EPB41L5: variants seen among roughly 807,000 people sequenced by gnomAD.
EPB41L5 encodes erythrocyte membrane protein band 4.1 like 5, also known as band 4.1-like protein 5.
EPB41L5 carries 55 observed loss-of-function variants against 106.6 expected under a neutral mutation model. The ratio of observed to expected loss-of-function variants is 0.52; its 90% CI spans 0.42 to 0.65. The LOEUF (loss-of-function observed/expected upper bound fraction) is 0.65, where lower values mean the gene tolerates loss of function less well. EPB41L5 is among the 30% of genes least tolerant of loss of function. The pLI is 0.00. For missense variants in EPB41L5, 871 were observed against 882.1 expected (o/e 0.99, Z 0.16); for synonymous variants, 297 against 306.7 (o/e 0.97, Z 0.33).
At chr2:120,028,176 T>TC (rs1354857834) in intron 2 of EPB41L5, among the ~76,000 whole-genome samples, 1 of 152,142 alleles carries the variant, frequency 6.6e-6, no homozygotes, top group East Asian at 1.9e-4. Context: ...AAGTTATTTT[T>TC]TTTTTTAAAA....
chr2:120,084,873 A>G (rs1035527873), intron 10 of EPB41L5, among the ~76,000 whole-genome samples: 3 of 151,992 alleles, frequency 2.0e-5, no homozygotes, highest in Admixed American at 2.0e-4. Flanking sequence ...CATTTCATTC[A>G]TTTGATCTTC....
At chr2:120,172,118 A>G (rs1370319231) in intron 24 of EPB41L5, among the ~76,000 whole-genome samples, 1 of 152,194 alleles carries the variant, frequency 6.6e-6, no homozygotes, top group African/African-American at 2.4e-5. Context: ...CAAAATGTGT[A>G]GAATAGAAAG....
chr2:120,075,585 ATAAGTT>A, intron 6 of EPB41L5, 65 bp downstream of exon 6: 1 of 1,427,406 alleles, frequency 7.0e-7, no homozygotes, highest in African/African-American at 1.4e-5. Context: ...TATTTTGAAA[ATAAGTT>A]TATAGTTGTA....
intron 2 of EPB41L5, among the ~76,000 whole-genome samples, chr2:120,033,817 G>C (rs950287838): frequency 6.6e-6 from 1 of 152,110 alleles, no homozygotes; most frequent in South Asian, 2.1e-4. Flanking sequence ...TTGTTGCCCA[G>C]GTGTGATGGC....
intron 20 of EPB41L5, among the ~76,000 whole-genome samples, chr2:120,159,220 C>A (rs967526511): frequency 6.7e-6 from 1 of 149,112 alleles, no homozygotes; most frequent in Non-Finnish European, 1.5e-5. Context: ...GTCAGGAGAT[C>A]GAGATCATCC....
At chr2:120,058,525 A>T (rs1203517181) in intron 3 of EPB41L5, among the ~76,000 whole-genome samples, 2 of 152,310 alleles carry the variant, frequency 1.3e-5, no homozygotes, top group African/African-American at 4.8e-5. Flanking sequence ...AGATAGCGTG[A>T]TGATAAATCA....
chr2:120,018,965 C>G lies in EPB41L5; in HGVS notation c.-8-112C>G, dbSNP rs1677732740. The G allele has an allele frequency of 2.0e-5, 19 of 936,490 alleles. No individual in the cohort carries two copies. In the South Asian group the frequency reaches 2.8e-4, roughly 14 times the overall value. The allele number at this position is 936,490 out of a possible 1,614,324, so 58.0% of individuals were successfully genotyped here. On this transcript the variant is annotated intron_variant, in intron 1 of 24. Coordinates refer to ENST00000263713, the MANE Select transcript of EPB41L5 (RefSeq NM_020909.4). ...CCAGCCCAGGTGTCCTTTTTAGTAG[C>G]ATTTCTACTAATGTTCACAGGACTT...
At chr2:120,114,199 G>A (rs1684848262) in intron 16 of EPB41L5, among the ~76,000 whole-genome samples, 1 of 152,120 alleles carries the variant, frequency 6.6e-6, no homozygotes, top group East Asian at 1.9e-4. Context: ...GCTGGATGAT[G>A]TTGGTATATT....
chr2:120,104,620 A>G, intron 16 of EPB41L5: 1 of 989,672 alleles, frequency 1.0e-6, no homozygotes, highest in Non-Finnish European at 1.2e-6. Flanking sequence ...AAAGAATCAG[A>G]CACACTAAAA....
At chr2:120,101,655 C>T (rs148109717) in intron 16 of EPB41L5, 2,735 of 152,354 alleles carry the variant, frequency 0.018, 40 homozygotes, top group Non-Finnish European at 0.026. Flanking sequence ...GCTTTCTGTG[C>T]AGCCAGTTCT....
chr2:120,032,738 C>CT (rs1188384062), intron 2 of EPB41L5, among the ~76,000 whole-genome samples: 3 of 152,158 alleles, frequency 2.0e-5, no homozygotes, highest in Admixed American at 1.3e-4. Context: ...CTTCTGAAGC[C>CT]TTTAATACGT....
chr2:120,085,628 G>A (rs1309916358), intron 10 of EPB41L5, among the ~76,000 whole-genome samples: 3 of 152,062 alleles, frequency 2.0e-5, no homozygotes, highest in East Asian at 1.9e-4. Flanking sequence ...CACTGCTCTC[G>A]AAGGTAGTAT....
rs1558799753 is a variant in EPB41L5, at chr2:120,021,458, C to CA, written c.180+2195dup. Reference sequence around the variant, plus strand: ...AGGAGTTTGAGACCAGTCTGGCCAACATAGTGAAACCCCGTCTCTACTAAA... The same window carrying CA: ...AGGAGTTTGAGACCAGTCTGGCCAACAATAGTGAAACCCCGTCTCTACTAAA... On this transcript the variant is annotated intron_variant, in intron 2 of 24. Transcript: ENST00000263713. 9.2e-5 allele frequency among the ~76,000 whole-genome samples: 14 copies of CA among 152,118 alleles called. No individual in the cohort carries two copies. The South Asian group carries it at 2.9e-3, about 32-fold the overall frequency.
In EPB41L5 at chr2:120,176,609, G is replaced by GT. The variant is rs1228021800; in HGVS notation, c.*1705dup. On this transcript the variant is annotated 3_prime_UTR_variant, in exon 25 of 25. Coordinates refer to ENST00000263713, the MANE Select transcript of EPB41L5 (RefSeq NM_020909.4). ...CCATTATGCTAAAAACAGCTTCTGAGTTTCACTGGTGGGGCTCTTGCCAGT... is the reference window on the plus strand; with the variant it reads ...CCATTATGCTAAAAACAGCTTCTGAGTTTTCACTGGTGGGGCTCTTGCCAGT... The GT allele has an allele frequency of 6.6e-6, 1 of 152,222 alleles. No individual in the cohort carries two copies. Among genetic ancestry groups the GT allele is most frequent in the African/African-American group, 2.4e-5 (1 of 41,450 alleles). 9.4% of individuals were successfully genotyped at this position (152,222 alleles called of 1,614,324 possible).
At chr2:120,083,238 A>C (rs1574623353) in intron 10 of EPB41L5, among the ~76,000 whole-genome samples, 1 of 152,252 alleles carries the variant, frequency 6.6e-6, no homozygotes, top group Non-Finnish European at 1.5e-5. Flanking sequence ...TCTTGTGGAC[A>C]TTTAGTGCTA....
chr2:120,084,263 C>A (rs987290134), intron 10 of EPB41L5, among the ~76,000 whole-genome samples: 2 of 152,120 alleles, frequency 1.3e-5, no homozygotes, highest in African/African-American at 2.4e-5. Flanking sequence ...TGGCTGGTAC[C>A]AGTTGTTCCT....
chr2:120,137,395 A>G (rs1336851286), intron 18 of EPB41L5, among the ~76,000 whole-genome samples: 1 of 151,960 alleles, frequency 6.6e-6, no homozygotes. Flanking sequence ...ATTGAAACCA[A>G]AAAATACAAA....
chr2:120,134,481 G>C (rs1002170825), intron 18 of EPB41L5, among the ~76,000 whole-genome samples: 1 of 152,110 alleles, frequency 6.6e-6, no homozygotes, highest in Admixed American at 6.5e-5. Flanking sequence ...CACATACCTC[G>C]GGTGAGACCC....
At chr2:120,091,359 A>G (rs756642008) in intron 12 of EPB41L5, among the ~76,000 whole-genome samples, 196 bp from the exon 13 acceptor site, 30 of 152,216 alleles carry the variant, frequency 2.0e-4, no homozygotes, top group Non-Finnish European at 4.0e-4. Context: ...TAAAACCAAC[A>G]TAATCTGTTG....
Sources: gnomAD v4.1 joint callset for allele counts (sites outside exome capture counted in the v4.1 genomes callset) on GRCh38, gnomAD v4.1.1 for gene constraint, MANE v1.5 for transcripts, NCBI Gene and HGNC (gene_info 2026-07-23, HGNC 2026-07-21) for gene names.